Variants in B3GALT1 observed in about 807,000 individuals in gnomAD.
The protein encoded by B3GALT1 is UDP-Gal:betaGlcNAc beta 1,3-galactosyltransferase, polypeptide 1.
In B3GALT1, 10 loss-of-function variants were observed where a neutral mutation model predicts 23.2. The observed-to-expected ratio is 0.43, with a 90% CI of 0.27 to 0.73. The LOEUF (loss-of-function observed/expected upper bound fraction) is 0.73. Among genes scored for constraint, B3GALT1 ranks in the 30% least tolerant of loss-of-function variants. B3GALT1 has a pLI of 0.21. For synonymous variants in B3GALT1, 156 were observed against 141.5 expected (o/e 1.10, Z -0.73); for missense variants, 299 against 405.4 (o/e 0.74, Z 2.25).
At chr2:167,305,696 C>T (rs920109717) in intron 1 of B3GALT1, among the ~76,000 whole-genome samples, 3 of 152,018 alleles carry the variant, frequency 2.0e-5, no homozygotes, top group Admixed American at 6.6e-5. Flanking sequence ...TATCTATTAG[C>T]GTGCTTTGTG....
chr2:167,518,560 A>T (rs1700136859), intron 2 of B3GALT1, among the ~76,000 whole-genome samples: 1 of 152,214 alleles, frequency 6.6e-6, no homozygotes, highest in African/African-American at 2.4e-5. Context: ...ATTTGGTAAG[A>T]ATTCAGCATG....
intron 1 of B3GALT1, among the ~76,000 whole-genome samples, chr2:167,403,049 T>C (rs988186654): frequency 3.9e-5 from 6 of 151,976 alleles, no homozygotes; most frequent in South Asian, 2.1e-4. Flanking sequence ...TATTATACTT[T>C]AAGTTCTAGG....
At chr2:167,561,145 G>T (rs1365625086) in intron 2 of B3GALT1, among the ~76,000 whole-genome samples, 1 of 152,164 alleles carries the variant, frequency 6.6e-6, no homozygotes. Context: ...TCAGGATTAA[G>T]AAACTCACTC....
intron 2 of B3GALT1, among the ~76,000 whole-genome samples, chr2:167,548,665 C>G (rs757624527): frequency 4.9e-5 from 7 of 142,520 alleles, no homozygotes; most frequent in Non-Finnish European, 1.0e-4. Context: ...CCCTGGATTG[C>G]CTGTCCAGAC....
chr2:167,312,539 CTG>C (rs942162839), intron 1 of B3GALT1, among the ~76,000 whole-genome samples: 3 of 151,910 alleles, frequency 2.0e-5, no homozygotes, highest in Non-Finnish European at 2.9e-5. Flanking sequence ...CCGAGAGAAA[CTG>C]TAACATAGAA....
intron 1 of B3GALT1, among the ~76,000 whole-genome samples, chr2:167,405,154 A>G (rs1448399632): frequency 6.6e-6 from 1 of 152,154 alleles, no homozygotes; most frequent in African/African-American, 2.4e-5. Context: ...TTTACATAAT[A>G]AGAATTCTTG....
chr2:167,437,464 G>A (rs1698807875), intron 1 of B3GALT1, among the ~76,000 whole-genome samples: 1 of 152,128 alleles, frequency 6.6e-6, no homozygotes, highest in Non-Finnish European at 1.5e-5. Context: ...TGGAGGGTGG[G>A]GTAGAAATCA....
chr2:167,623,827 T>A (rs554037679), intron 2 of B3GALT1, among the ~76,000 whole-genome samples: 1 of 152,178 alleles, frequency 6.6e-6, no homozygotes, highest in East Asian at 1.9e-4. Flanking sequence ...ACTGTGAATA[T>A]TGTGTAGCAG....
intron 1 of B3GALT1, among the ~76,000 whole-genome samples, chr2:167,340,072 A>G (rs945504465): frequency 1.3e-5 from 2 of 152,168 alleles, no homozygotes; most frequent in Admixed American, 1.3e-4. Context: ...CTTTGTGAAA[A>G]CAGAGTGCAT....
At chr2:167,843,820 G>A (rs1689700953) in intron 4 of B3GALT1, among the ~76,000 whole-genome samples, 1 of 152,198 alleles carries the variant, frequency 6.6e-6, no homozygotes, top group African/African-American at 2.4e-5. Context: ...AGGTTGGGAA[G>A]TTATGACTTT....
chr2:167,718,517 G>A (rs189900716), intron 3 of B3GALT1, among the ~76,000 whole-genome samples: 82 of 152,288 alleles, frequency 5.4e-4, no homozygotes, highest in Non-Finnish European at 8.8e-4. Flanking sequence ...CTCACCAGTT[G>A]CTAGGTTCAT....
At chr2:167,716,517 A>G (rs1253442484) in intron 3 of B3GALT1, among the ~76,000 whole-genome samples, 2 of 152,112 alleles carry the variant, frequency 1.3e-5, no homozygotes, top group Non-Finnish European at 2.9e-5. Context: ...TGTTTGTGTA[A>G]TATATCTTTT....
chr2:167,299,105 T>C (rs985899942), intron 1 of B3GALT1, among the ~76,000 whole-genome samples: 2 of 152,150 alleles, frequency 1.3e-5, no homozygotes, highest in African/African-American at 4.8e-5. Flanking sequence ...ATACTGCACT[T>C]AGTTTTAATT....
chr2:167,305,366 AATTT>A (rs978742384), intron 1 of B3GALT1, among the ~76,000 whole-genome samples: 3 of 152,126 alleles, frequency 2.0e-5, no homozygotes, highest in Non-Finnish European at 2.9e-5. Context: ...AAAGTGCCAT[AATTT>A]ATTTATTATG....
intron 3 of B3GALT1, among the ~76,000 whole-genome samples, chr2:167,677,421 C>A (rs1460885986): frequency 1.3e-5 from 2 of 152,204 alleles, no homozygotes; most frequent in African/African-American, 4.8e-5. Context: ...TTTGCTCTGG[C>A]TAGAACTGGC....
intron 4 of B3GALT1, among the ~76,000 whole-genome samples, chr2:167,850,244 G>C (rs1689853588): frequency 6.6e-6 from 1 of 152,178 alleles, no homozygotes; most frequent in Non-Finnish European, 1.5e-5. Flanking sequence ...GACATGCATA[G>C]ACAGTTCTCA....
intron 3 of B3GALT1, among the ~76,000 whole-genome samples, chr2:167,763,019 T>C (rs973846500): frequency 6.6e-6 from 1 of 152,194 alleles, no homozygotes; most frequent in Non-Finnish European, 1.5e-5. Context: ...GAAAAGTACG[T>C]CTATTTGAAA....
chr2:167,392,434 TA>T (rs1189776022), intron 1 of B3GALT1, among the ~76,000 whole-genome samples: 1 of 152,174 alleles, frequency 6.6e-6, no homozygotes, highest in African/African-American at 2.4e-5. Flanking sequence ...ACAATATATA[TA>T]AAACTGCTCC....
chr2:167,614,336 A>G (rs1685120128), intron 2 of B3GALT1, among the ~76,000 whole-genome samples: 1 of 151,422 alleles, frequency 6.6e-6, no homozygotes, highest in Non-Finnish European at 1.5e-5. Context: ...ACCTAGGAAG[A>G]TACTTAAAAG....
Sources: gnomAD v4.1 joint callset for allele counts (sites outside exome capture counted in the v4.1 genomes callset) on GRCh38, gnomAD v4.1.1 for gene constraint, MANE v1.5 for transcripts, NCBI Gene and HGNC (gene_info 2026-07-23, HGNC 2026-07-21) for gene names.